Variants in CDC16 observed in about 807,000 individuals in gnomAD.
The protein encoded by CDC16 is cell division cycle protein 16 homolog.
In CDC16, 34 loss-of-function variants were observed where a neutral mutation model predicts 87.0. The ratio of observed to expected loss-of-function variants is 0.39; its 90% CI spans 0.30 to 0.52. CDC16 has a LOEUF of 0.52. CDC16 is among the 20% of genes least tolerant of loss of function. The pLI is 0.74. For synonymous variants in CDC16, 263 were observed against 260.6 expected (o/e 1.01, Z -0.09); for missense variants, 653 against 751.9 (o/e 0.87, Z 1.54).
At chr13:114,241,096 C>T (rs182105910) in intron 5 of CDC16, among the ~76,000 whole-genome samples, 1 of 152,142 alleles carries the variant, frequency 6.6e-6, no homozygotes, top group East Asian at 1.9e-4. Flanking sequence ...GTTCGAGGTC[C>T]AGAGTCTAGA....
At chr13:114,255,543 A>C (rs907125127) in intron 12 of CDC16, among the ~76,000 whole-genome samples, 9 of 152,256 alleles carry the variant, frequency 5.9e-5, no homozygotes, top group Middle Eastern at 3.4e-3. Flanking sequence ...AGAATTGCTC[A>C]CTGGAGTATT....
chr13:114,239,924 C>A (rs2081460010), intron 5 of CDC16, among the ~76,000 whole-genome samples: 1 of 151,970 alleles, frequency 6.6e-6, no homozygotes, highest in Non-Finnish European at 1.5e-5. Context: ...TTGTATACTT[C>A]ATATCTCCAT....
chr13:114,239,068 A>T (rs1566634175), intron 4 of CDC16, 40 bp downstream of exon 4: 1 of 1,604,314 alleles, frequency 6.2e-7, no homozygotes, highest in Non-Finnish European at 8.5e-7. Context: ...TGGTTGAATA[A>T]AATGAGTGTT....
chr13:114,257,177 G>C lies in CDC16; in HGVS notation c.1197G>C (p.Pro399=), dbSNP rs757808625. ...TCAGCCAAGCTCTGAGCATTGCACC[G>C]GAAGACCCTTTTGTTATGCATGAGG... is the stretch of plus-strand genomic sequence containing the variant. The part of the protein sequence containing the change: ...RFFSQALSIA[P]EDPFVMHEVG... Residue 399 remains proline, a synonymous_variant, in exon 13 of 18, where the codon CCG becomes CCC. Coordinates refer to ENST00000356221, the MANE Select transcript of CDC16 (RefSeq NM_001078645.3). 9.9e-6 allele frequency: 16 copies of C among 1,613,386 alleles called. No individual in the cohort carries two copies. In the East Asian group the frequency reaches 3.6e-4, roughly 36 times the overall value.
At chr13:114,241,079 G>GT (rs372327981) in intron 5 of CDC16, among the ~76,000 whole-genome samples, 1 of 152,022 alleles carries the variant, frequency 6.6e-6, no homozygotes, top group African/African-American at 2.4e-5. Context: ...TTTAAATTCA[G>GT]TTATGTGTTC....
intron 14 of CDC16, 84 bp downstream of exon 14, chr13:114,259,482 T>G: frequency 2.7e-6 from 2 of 748,702 alleles, no homozygotes; most frequent in Non-Finnish European, 4.1e-6. Context: ...CAGAAATCTC[T>G]TGCCTTCGAA....
At position 114,235,007 on chromosome 13, in the gene CDC16, G is replaced by A. The variant is rs967185167; in HGVS notation, c.-78G>A. The A allele has an allele frequency of 1.7e-6, 2 of 1,156,020 alleles. No homozygotes were observed. Among genetic ancestry groups the A allele is most frequent in the Non-Finnish European group, 2.2e-6 (2 of 914,042 alleles). The allele number at this position is 1,156,020 out of a possible 1,614,324, so 71.6% of individuals were successfully genotyped here. On this transcript the variant is annotated 5_prime_UTR_variant, in exon 1 of 18. Coordinates refer to ENST00000356221, the MANE Select transcript of CDC16 (RefSeq NM_001078645.3). The stretch of plus-strand genomic sequence containing the variant: ...GCGGCGGCTGCAGGCACGGGCACGG[G>A]CACGGGGCGGGGTGCTTAGGGTGCA...
intron 11 of CDC16, 178 bp downstream of exon 11, chr13:114,247,182 C>T: frequency 1.7e-6 from 1 of 579,128 alleles, no homozygotes; most frequent in Non-Finnish European, 3.1e-6. Flanking sequence ...CTTCTCACCT[C>T]CCCTCCCCTC....
intron 13 of CDC16, among the ~76,000 whole-genome samples, chr13:114,259,092 C>CT (rs2082681212): frequency 1.6e-5 from 2 of 122,700 alleles, no homozygotes; most frequent in African/African-American, 6.9e-5. Flanking sequence ...GAGTGAGACT[C>CT]TTAAAAAAAA....
chr13:114,271,022 C>T (rs1169183382), intron 17 of CDC16, among the ~76,000 whole-genome samples: 4 of 148,886 alleles, frequency 2.7e-5, no homozygotes. Context: ...CCCAGGTTCA[C>T]GCCATTCTCC....
chr13:114,245,826 G>A (rs561445828), intron 9 of CDC16, 174 bp from the exon 10 acceptor site: 3 of 560,228 alleles, frequency 5.4e-6, no homozygotes, highest in East Asian at 6.5e-5. Context: ...CCCACAGTGT[G>A]TCCTTCATCT....
Position 114,265,232 on chromosome 13 carries a change from C to T in CDC16, c.1595C>T (p.Ala532Val). 4 of 1,592,094 alleles carry T rather than the reference C, an allele frequency of 2.5e-6. No homozygotes were observed. Among genetic ancestry groups the T allele is most frequent in the Non-Finnish European group, 3.4e-6 (4 of 1,160,022 alleles). ...CIEMYIGDSE[A>V]YIGADIKDKL... ...GAAATGTACATTGGTGATTCTGAAGCTTATATTGGTAAGATAATCGTTATT... is the reference window on the plus strand; with the variant it reads ...GAAATGTACATTGGTGATTCTGAAGTTTATATTGGTAAGATAATCGTTATT... The change falls in exon 17 of 18, where the codon GCT (alanine) becomes GTT (valine). Residue 532 changes from alanine (A) to valine (V), a missense_variant. By Grantham distance (64) the Ala-to-Val change is moderately conservative. Transcript: ENST00000356221.
intron 12 of CDC16, among the ~76,000 whole-genome samples, chr13:114,256,346 C>T (rs1421442503): frequency 2.0e-5 from 3 of 152,098 alleles, no homozygotes; most frequent in Non-Finnish European, 4.4e-5. Flanking sequence ...TTTGTCATGA[C>T]CTTCTGTAGA....
At chr13:114,255,449 C>T (rs924653059) in intron 12 of CDC16, among the ~76,000 whole-genome samples, 14 of 152,176 alleles carry the variant, frequency 9.2e-5, no homozygotes, top group Non-Finnish European at 4.4e-5. Context: ...TATAATTGCA[C>T]ATTGAGTATC....
chr13:114,239,510 C>G lies in CDC16; in HGVS notation c.381+20C>G. The stretch of plus-strand genomic sequence containing the variant: ...TCTTCAGTAAGTAGTACTGTGAGCA[C>G]AGCTCAGTAACGGCGGCGAGAATTG... On this transcript the variant is annotated intron_variant, in intron 5 of 17. Coordinates refer to ENST00000356221, the MANE Select transcript of CDC16 (RefSeq NM_001078645.3). 3.2e-6 allele frequency: 5 copies of G among 1,550,814 alleles called. No individual in the cohort carries two copies. The highest frequency in any genetic ancestry group is 4.4e-6 in the Non-Finnish European group (5 of 1,139,122).
intron 12 of CDC16, among the ~76,000 whole-genome samples, chr13:114,251,174 G>A (rs1289846701): frequency 6.6e-6 from 1 of 152,148 alleles, no homozygotes; most frequent in Non-Finnish European, 1.5e-5. Flanking sequence ...AACTTACAGG[G>A]TTGGTTTGTG....
chr13:114,255,630 C>G (rs2139051899), intron 12 of CDC16, among the ~76,000 whole-genome samples: 1 of 152,182 alleles, frequency 6.6e-6, no homozygotes, highest in Non-Finnish European at 1.5e-5. Context: ...CTTCTGGTCT[C>G]AAGCATTTCT....
Position 114,239,496 on chromosome 13 carries a change from T to C in CDC16, c.381+6T>C. 6.3e-7 allele frequency: 1 copy of C among 1,597,738 alleles called. No individual in the cohort carries two copies. Among genetic ancestry groups the C allele is most frequent in the Non-Finnish European group, 8.6e-7 (1 of 1,168,026 alleles). ...GGGAAATGTCACAGTCTTCAGTAAGTAGTACTGTGAGCACAGCTCAGTAAC... is the reference window on the plus strand; with the variant it reads ...GGGAAATGTCACAGTCTTCAGTAAGCAGTACTGTGAGCACAGCTCAGTAAC... On this transcript the variant is annotated splice_donor_region_variant and intron_variant, in intron 5 of 17. Transcript: ENST00000356221.
rs546359133 is a variant in CDC16 at position 114,244,093 on chromosome 13, TTTAAG to T, written c.767+108_767+112del. The T allele has an allele frequency of 2.4e-4, 193 of 799,720 alleles. No individual in the cohort carries two copies. The African/African-American group carries it at 2.7e-3, about 11-fold the overall frequency. 49.5% of individuals were successfully genotyped at this position (799,720 alleles called of 1,614,324 possible). ...TGAATAATCTTGAACTAGATGATAA[TTTAAG>T]TTATCTTTACCAATTGTAGAGCACT... On this transcript the variant is annotated intron_variant, in intron 8 of 17. Coordinates refer to ENST00000356221, the MANE Select transcript of CDC16 (RefSeq NM_001078645.3).
Sources: gnomAD v4.1 joint callset for allele counts (sites outside exome capture counted in the v4.1 genomes callset) on GRCh38, gnomAD v4.1.1 for gene constraint, MANE v1.5 for transcripts, NCBI Gene and HGNC (gene_info 2026-07-23, HGNC 2026-07-21) for gene names.